Variants in FGF12 observed in about 807,000 individuals in gnomAD.
The protein encoded by FGF12 is fibroblast growth factor 12, also known as fibroblast growth factor 12B.
A neutral mutation model predicts 23.6 loss-of-function variants in FGF12; 14 were observed. The observed-to-expected ratio is 0.59, with a 90% CI of 0.39 to 0.93. The LOEUF is 0.93. Among genes scored for constraint, FGF12 ranks in the 40% least tolerant of loss-of-function variants. The probability of loss-of-function intolerance (pLI) is 0.00; values close to 1 mark genes in which losing one functional copy is unlikely to be tolerated. For synonymous variants in FGF12, 62 were observed against 77.3 expected, an observed-to-expected ratio of 0.80 and a Z score of 1.04; for missense variants, 175 against 217.8, an observed-to-expected ratio of 0.80 and a Z score of 1.24.
intron 2 of FGF12, among the ~76,000 whole-genome samples, chr3:192,532,285 A>G (rs1390345042): frequency 6.6e-6 from 1 of 152,104 alleles, no homozygotes; most frequent in Non-Finnish European, 1.5e-5. Context: ...AGCTCTGTGA[A>G]GAATGCTGAT....
intron 2 of FGF12, among the ~76,000 whole-genome samples, chr3:192,402,957 C>T (rs1322604106): frequency 6.6e-6 from 1 of 152,066 alleles, no homozygotes; most frequent in East Asian, 1.9e-4. Context: ...GCATATCAAG[C>T]GTGTCCTCTA....
chr3:192,707,744 CAAAAAAAA>C (rs780175053), intron 2 of FGF12, among the ~76,000 whole-genome samples: 904 of 84,872 alleles, frequency 0.011, 23 homozygotes, highest in African/African-American at 0.042. Context: ...GACTCCTTCT[CAAAAAAAA>C]AAAAAAAAAA....
chr3:192,556,055 A>T (rs1409925343), intron 2 of FGF12, among the ~76,000 whole-genome samples: 1 of 149,992 alleles, frequency 6.7e-6, no homozygotes, highest in African/African-American at 2.5e-5. Flanking sequence ...TGTTGCTATT[A>T]AAAAAAAAAT....
chr3:192,288,542 T>C (rs1412603660), intron 4 of FGF12, among the ~76,000 whole-genome samples: 1 of 152,120 alleles, frequency 6.6e-6, no homozygotes, highest in Non-Finnish European at 1.5e-5. Flanking sequence ...ATGATACTTG[T>C]ATCTTAATTG....
chr3:192,215,892 T>A (rs1718169537), intron 4 of FGF12, among the ~76,000 whole-genome samples: 2 of 152,324 alleles, frequency 1.3e-5, no homozygotes, highest in South Asian at 4.1e-4. Context: ...CTCACAGGAA[T>A]TAATTTTAAG....
chr3:192,272,135 G>C (rs942726751), intron 4 of FGF12, among the ~76,000 whole-genome samples: 4 of 152,082 alleles, frequency 2.6e-5, no homozygotes, highest in Non-Finnish European at 5.9e-5. Flanking sequence ...TTAATGGCCC[G>C]AGTTCCTTGG....
At chr3:192,286,082 C>A (rs151291055) in intron 4 of FGF12, among the ~76,000 whole-genome samples, 1 of 151,908 alleles carries the variant, frequency 6.6e-6, no homozygotes, top group Non-Finnish European at 1.5e-5. Flanking sequence ...AGTGAAAATT[C>A]CAATAAGGAG....
At chr3:192,547,234 G>GT (rs1051590202) in intron 2 of FGF12, among the ~76,000 whole-genome samples, 4 of 152,264 alleles carry the variant, frequency 2.6e-5, no homozygotes, top group East Asian at 3.9e-4. Context: ...ATTTCCATTG[G>GT]TAGTAGAGCA....
At chr3:192,340,163 T>C (rs933486863) in intron 3 of FGF12, among the ~76,000 whole-genome samples, 1 of 152,018 alleles carries the variant, frequency 6.6e-6, no homozygotes, top group Non-Finnish European at 1.5e-5. Flanking sequence ...TCTCCCTACA[T>C]CTTCACACTG....
At chr3:192,145,760 C>T (rs931407053) in intron 5 of FGF12, among the ~76,000 whole-genome samples, 1 of 152,122 alleles carries the variant, frequency 6.6e-6, no homozygotes, top group Non-Finnish European at 1.5e-5. Flanking sequence ...ACAGAGGAAA[C>T]CAGCTCAGAG....
intron 2 of FGF12, among the ~76,000 whole-genome samples, chr3:192,683,052 C>A (rs748890674): frequency 2.0e-5 from 3 of 152,158 alleles, no homozygotes; most frequent in South Asian, 2.1e-4. Context: ...GCTTCTGAAT[C>A]GTATCCCTAA....
At chr3:192,286,340 C>A (rs769929403) in intron 4 of FGF12, among the ~76,000 whole-genome samples, 6 of 152,008 alleles carry the variant, frequency 3.9e-5, no homozygotes, top group Non-Finnish European at 5.9e-5. Flanking sequence ...CCATGGTAGA[C>A]TCTGTTTGGA....
intron 2 of FGF12, among the ~76,000 whole-genome samples, chr3:192,594,949 T>A (rs1713778638): frequency 6.6e-6 from 1 of 152,142 alleles, no homozygotes; most frequent in Non-Finnish European, 1.5e-5. Context: ...TTGTTACATT[T>A]ACTGTGTACT....
intron 2 of FGF12, among the ~76,000 whole-genome samples, chr3:192,523,476 T>C (rs1406676845): frequency 6.6e-6 from 1 of 152,222 alleles, no homozygotes; most frequent in Non-Finnish European, 1.5e-5. Flanking sequence ...TTATAAACCA[T>C]GTTTGATTCC....
chr3:192,711,317 C>T (rs1718665215), intron 2 of FGF12, among the ~76,000 whole-genome samples: 1 of 145,068 alleles, frequency 6.9e-6, no homozygotes, highest in South Asian at 2.3e-4. Context: ...CCAGCCGCCC[C>T]ATCCGGGAGG....
At chr3:192,591,121 G>C (rs1016960956) in intron 2 of FGF12, among the ~76,000 whole-genome samples, 6 of 151,340 alleles carry the variant, frequency 4.0e-5, no homozygotes, top group Non-Finnish European at 8.8e-5. Context: ...GATAAAGTCA[G>C]TGAAGAAGGC....
intron 2 of FGF12, among the ~76,000 whole-genome samples, chr3:192,604,315 C>G (rs1423177602): frequency 6.6e-6 from 1 of 152,172 alleles, no homozygotes; most frequent in Non-Finnish European, 1.5e-5. Flanking sequence ...CGTACATCCT[C>G]AGCTTATGAA....
chr3:192,205,906 G>A (rs1717625843), intron 4 of FGF12, among the ~76,000 whole-genome samples: 1 of 151,956 alleles, frequency 6.6e-6, no homozygotes, highest in Non-Finnish European at 1.5e-5. Context: ...TGAAGGTCCA[G>A]TTCAAAGAAT....
intron 4 of FGF12, among the ~76,000 whole-genome samples, chr3:192,310,662 A>G (rs1715885838): frequency 6.6e-6 from 1 of 152,194 alleles, no homozygotes; most frequent in Admixed American, 6.5e-5. Flanking sequence ...GAAAGTAAAA[A>G]TCTGTTTTGC....
Sources: allele counts gnomAD v4.1 joint callset (sites outside exome capture counted in the v4.1 genomes callset), GRCh38; gene constraint gnomAD v4.1.1; transcripts MANE v1.5; gene names NCBI Gene and HGNC (gene_info 2026-07-23, HGNC 2026-07-21).